The following DCC variants were observed in gnomAD, a reference collection of about 807,000 sequenced individuals.
DCC encodes netrin receptor DCC.
DCC carries 58 observed loss-of-function variants against 172.5 expected under a neutral mutation model. The ratio of observed to expected loss-of-function variants is 0.34; its 90% confidence interval spans 0.27 to 0.42. The LOEUF is 0.42. Among genes scored for constraint, DCC ranks in the 10% least tolerant of loss-of-function variants. DCC has a pLI of 1.00. For synonymous variants in DCC, 709 were observed against 644.5 expected (o/e 1.10, Z -1.52); for missense variants, 1,740 against 1,791.0 (o/e 0.97, Z 0.51).
Position 53,063,343 on chromosome 18 carries a change from G to A in DCC, c.1024G>A (p.Ala342Thr). 1.9e-6 allele frequency: 3 copies of A among 1,612,918 alleles called. No individual in the cohort carries two copies. The highest frequency in any genetic ancestry group is 2.5e-6 in the Non-Finnish European group (3 of 1,179,348). ...TTTAAATCATCCTTCCAACCTGTAT[G>A]CCTATGAAAGCATGGATATTGAGTT... The part of the protein sequence containing the change: ...WFLNHPSNLY[A>T]YESMDIEFEC... The change falls in exon 6 of 29, where the codon GCC becomes ACC. Residue 342 changes from alanine (A) to threonine (T), a missense_variant. This residue lies in a region of DCC where 1,732 missense variants were observed against 1,767.4 expected (regional missense o/e 0.98). Transcript: ENST00000442544.
Position 52,495,767 on chromosome 18 carries a change from TA to T in DCC, c.91+154890del, listed in dbSNP as rs1026701476. 2.2e-4 allele frequency among the ~76,000 whole-genome samples: 32 copies of T among 146,188 alleles called. No homozygotes were observed. In the South Asian group the frequency reaches 2.7e-3, roughly 12 times the overall value. On this transcript the variant is annotated intron_variant, in intron 1 of 28. Transcript: ENST00000442544. ...TATTTATTTTATTTTTTTATTTATG[TA>T]TTTTTTTTTTTTAGCAATTTGGAGT...
chr18:52,658,963 T>C (rs2035307753), intron 1 of DCC, among the ~76,000 whole-genome samples: 1 of 152,228 alleles, frequency 6.6e-6, no homozygotes, highest in Non-Finnish European at 1.5e-5. Context: ...CCTTCAATAG[T>C]AGCTGAGTAG....
intron 5 of DCC, among the ~76,000 whole-genome samples, chr18:53,001,050 A>G (rs969775239): frequency 1.3e-5 from 2 of 151,644 alleles, no homozygotes; most frequent in Non-Finnish European, 2.9e-5. Flanking sequence ...CTTGAAATCA[A>G]TTGTGGGAAA....
intron 3 of DCC, among the ~76,000 whole-genome samples, chr18:52,920,331 C>T (rs1255766985): frequency 3.3e-5 from 5 of 151,266 alleles, no homozygotes; most frequent in Admixed American, 6.6e-5. Flanking sequence ...GGCTTCAATC[C>T]GAAACACACA....
At chr18:53,181,135 G>T (rs1012228799) in intron 9 of DCC, among the ~76,000 whole-genome samples, 1 of 152,072 alleles carries the variant, frequency 6.6e-6, no homozygotes, top group Non-Finnish European at 1.5e-5. Context: ...AAATTTTCCA[G>T]TATTGGAACT....
intron 2 of DCC, among the ~76,000 whole-genome samples, chr18:52,898,177 G>T (rs7242903): frequency 1.9e-3 from 286 of 152,296 alleles, no homozygotes; most frequent in African/African-American, 6.1e-3. Flanking sequence ...TAAAAGCAAG[G>T]CGTGTTTCCA....
At chr18:53,160,621 A>G (rs4940241) in intron 8 of DCC, among the ~76,000 whole-genome samples, 58,971 of 152,010 alleles carry the variant, frequency 0.39, 12,604 homozygotes, top group East Asian at 0.71. Flanking sequence ...GTCTCACTTT[A>G]AATTCATAGC....
At chr18:52,504,439 C>T (rs566898768) in intron 1 of DCC, among the ~76,000 whole-genome samples, 15 of 152,170 alleles carry the variant, frequency 9.9e-5, no homozygotes, top group African/African-American at 2.4e-4. Flanking sequence ...GAAGCAAGTT[C>T]GTTCAGCTTT....
chr18:53,007,151 T>C lies in DCC; in HGVS notation c.986-56154T>C, dbSNP rs145022013. ...AGCTTTATACATAGAACAAAATTATTTGCATCTGGCCTTATTGGACTTAAA... is the reference window on the plus strand; with the variant it reads ...AGCTTTATACATAGAACAAAATTATCTGCATCTGGCCTTATTGGACTTAAA... On this transcript the variant is annotated intron_variant, in intron 5 of 28. Coordinates refer to ENST00000442544, the MANE Select transcript of DCC (RefSeq NM_005215.4). 7.8e-4 allele frequency among the ~76,000 whole-genome samples: 119 copies of C among 152,292 alleles called. 3 individuals are homozygous for C. In the East Asian group the frequency reaches 0.019, roughly 25 times the overall value.
chr18:53,241,701 AT>A (rs1434498606), intron 12 of DCC, among the ~76,000 whole-genome samples: 1 of 152,184 alleles, frequency 6.6e-6, no homozygotes. Flanking sequence ...GCATAAGAGC[AT>A]GGCCAGCCAG....
intron 23 of DCC, among the ~76,000 whole-genome samples, chr18:53,451,584 T>G (rs143753968): frequency 1.2e-4 from 19 of 152,314 alleles, no homozygotes; most frequent in African/African-American, 4.6e-4. Context: ...AGGCATGACA[T>G]TACCTCTGAA....
At chr18:52,763,085 ATT>A (rs1805371075) in intron 2 of DCC, among the ~76,000 whole-genome samples, 1 of 152,118 alleles carries the variant, frequency 6.6e-6, no homozygotes, top group Non-Finnish European at 1.5e-5. Flanking sequence ...CTGCTTGTTG[ATT>A]TATAACTCCT....
At chr18:52,646,912 C>T (rs569459613) in intron 1 of DCC, among the ~76,000 whole-genome samples, 22 of 152,208 alleles carry the variant, frequency 1.4e-4, no homozygotes, top group African/African-American at 3.4e-4. Context: ...GTCTTTTTGA[C>T]GACCATCCTA....
chr18:52,877,515 C>G (rs2039421017), intron 2 of DCC, among the ~76,000 whole-genome samples: 1 of 151,966 alleles, frequency 6.6e-6, no homozygotes, highest in Non-Finnish European at 1.5e-5. Context: ...TCGGGACCAT[C>G]CTGGGCAACA....
At chr18:52,726,671 G>T (rs1289550299) in intron 1 of DCC, among the ~76,000 whole-genome samples, 1 of 152,130 alleles carries the variant, frequency 6.6e-6, no homozygotes, top group Non-Finnish European at 1.5e-5. Flanking sequence ...TTGATCAAAA[G>T]CACAGGCTCT....
At chr18:52,663,600 A>T (rs1956587594) in intron 1 of DCC, among the ~76,000 whole-genome samples, 1 of 152,216 alleles carries the variant, frequency 6.6e-6, no homozygotes, top group African/African-American at 2.4e-5. Flanking sequence ...AGGATATGTC[A>T]TCCTTCTATG....
At chr18:52,945,893 A>T (rs1311985009) in intron 5 of DCC, among the ~76,000 whole-genome samples, 1 of 152,158 alleles carries the variant, frequency 6.6e-6, no homozygotes, top group East Asian at 1.9e-4. Flanking sequence ...ATTTTGCAGA[A>T]TCATCTGAAT....
At chr18:53,389,891 C>T (rs2145004655) in intron 16 of DCC, among the ~76,000 whole-genome samples, 1 of 152,244 alleles carries the variant, frequency 6.6e-6, no homozygotes, top group Middle Eastern at 3.4e-3. Flanking sequence ...AAAAACTATA[C>T]AGTTAATGTA....
chr18:52,452,828 C>T lies in DCC; in HGVS notation c.91+111950C>T, dbSNP rs572053285. ...GGGAGAGAATGGCAATTCTTTTATA[C>T]CTCAAGAGTAAAGACTAGGTGGGAC... On this transcript the variant is annotated intron_variant, in intron 1 of 28. Coordinates refer to ENST00000442544, the MANE Select transcript of DCC (RefSeq NM_005215.4). Among the ~76,000 whole-genome samples, 4 of 152,294 alleles carry T rather than the reference C, an allele frequency of 2.6e-5. No individual in the cohort carries two copies. The South Asian group carries it at 8.3e-4, about 32-fold the overall frequency.
Sources: gnomAD v4.1 joint callset for allele counts (sites outside exome capture counted in the v4.1 genomes callset) on GRCh38, gnomAD v4.1.1 for gene constraint, gnomAD v4.1.1 regional missense constraint, MANE v1.5 for transcripts, NCBI Gene and HGNC (gene_info 2026-07-23, HGNC 2026-07-21) for gene names.